EXOC4: variants seen among roughly 807,000 people sequenced by gnomAD.
EXOC4 encodes exocyst complex component 4.
EXOC4 carries 71 observed loss-of-function variants against 107.2 expected under a neutral mutation model. The observed-to-expected ratio is 0.66, with a 90% confidence interval of 0.55 to 0.81. EXOC4 has a LOEUF of 0.81. Among genes scored for constraint, EXOC4 ranks in the 30% least tolerant of loss-of-function variants. EXOC4 has a pLI of 0.00. For synonymous variants in EXOC4, 456 were observed against 441.2 expected (o/e 1.03, Z -0.42); for missense variants, 1,108 against 1,189.6 (o/e 0.93, Z 1.01).
At chr7:133,315,848 A>G (rs1289071774) in intron 4 of EXOC4, among the ~76,000 whole-genome samples, 1 of 152,168 alleles carries the variant, frequency 6.6e-6, no homozygotes, top group African/African-American at 2.4e-5. Context: ...GGTTTAGTTC[A>G]TATCTTAGTC....
At chr7:133,887,384 A>G (rs1211094825) in intron 11 of EXOC4, among the ~76,000 whole-genome samples, 1 of 152,194 alleles carries the variant, frequency 6.6e-6, no homozygotes. Flanking sequence ...TAAACAACTG[A>G]GGGAAGGGAA....
At chr7:133,659,029 T>TTTTG (rs1803369198) in intron 10 of EXOC4, among the ~76,000 whole-genome samples, 1 of 111,022 alleles carries the variant, frequency 9.0e-6, no homozygotes, top group African/African-American at 3.2e-5. Flanking sequence ...TTTTTTTTTT[T>TTTTG]GTGGTTCATA....
chr7:133,532,259 TAACTC>T (rs1800194881), intron 9 of EXOC4, among the ~76,000 whole-genome samples: 1 of 152,088 alleles, frequency 6.6e-6, no homozygotes, highest in African/African-American at 2.4e-5. Context: ...ACCTTGAACT[TAACTC>T]TTATATTGTC....
chr7:133,417,388 G>A (rs1054493862), intron 7 of EXOC4, among the ~76,000 whole-genome samples: 2 of 152,144 alleles, frequency 1.3e-5, no homozygotes, highest in Non-Finnish European at 2.9e-5. Flanking sequence ...TGTGAAGATG[G>A]AAGGTCTGAC....
intron 14 of EXOC4, among the ~76,000 whole-genome samples, chr7:133,973,227 C>T (rs1318804360): frequency 3.3e-5 from 5 of 151,940 alleles, no homozygotes; most frequent in East Asian, 1.9e-4. Flanking sequence ...TATGATTCGG[C>T]GACCATGGAA....
At chr7:133,488,600 A>G (rs1799313734) in intron 9 of EXOC4, among the ~76,000 whole-genome samples, 1 of 152,308 alleles carries the variant, frequency 6.6e-6, no homozygotes, top group Non-Finnish European at 1.5e-5. Context: ...GAAAAAAACA[A>G]AGAAATTGGA....
intron 11 of EXOC4, among the ~76,000 whole-genome samples, chr7:133,834,064 T>G (rs1020684024): frequency 6.6e-6 from 1 of 152,174 alleles, no homozygotes; most frequent in Non-Finnish European, 1.5e-5. Flanking sequence ...AGATATAATA[T>G]AATCTCAGAG....
chr7:133,755,528 CAG>C (rs1201889333), intron 10 of EXOC4, among the ~76,000 whole-genome samples: 2 of 150,292 alleles, frequency 1.3e-5, no homozygotes, highest in African/African-American at 2.5e-5. Flanking sequence ...ATTTTTAGTA[CAG>C]ATGGGGTTTC....
chr7:133,515,226 T>C (rs966174404), intron 9 of EXOC4, among the ~76,000 whole-genome samples: 4 of 152,068 alleles, frequency 2.6e-5, no homozygotes, highest in Non-Finnish European at 5.9e-5. Context: ...TGATGCACAG[T>C]GCAGTATATT....
At chr7:133,511,114 T>G (rs1474919328) in intron 9 of EXOC4, among the ~76,000 whole-genome samples, 1 of 152,134 alleles carries the variant, frequency 6.6e-6, no homozygotes, top group African/African-American at 2.4e-5. Context: ...TAATTTTCTA[T>G]TATACCCTCT....
At chr7:133,260,260 C>T (rs916892879) in intron 1 of EXOC4, among the ~76,000 whole-genome samples, 4 of 149,724 alleles carry the variant, frequency 2.7e-5, no homozygotes, top group Non-Finnish European at 5.9e-5. Context: ...ATAGTGTAAG[C>T]CCTTTAACTG....
intron 10 of EXOC4, among the ~76,000 whole-genome samples, chr7:133,639,210 C>T (rs1802787107): frequency 6.6e-6 from 1 of 152,036 alleles, no homozygotes; most frequent in Non-Finnish European, 1.5e-5. Flanking sequence ...GCATTGTTTC[C>T]TTGTATGATT....
chr7:133,303,813 G>C (rs894147605), intron 3 of EXOC4, among the ~76,000 whole-genome samples: 2 of 152,174 alleles, frequency 1.3e-5, no homozygotes, highest in Non-Finnish European at 2.9e-5. Context: ...GCTCAAAGAA[G>C]GAAGGAACAC....
chr7:133,834,838 C>T (rs1349919468), intron 11 of EXOC4, among the ~76,000 whole-genome samples: 1 of 152,172 alleles, frequency 6.6e-6, no homozygotes, highest in African/African-American at 2.4e-5. Flanking sequence ...TGAATTGTAA[C>T]TCCCACAATT....
chr7:133,429,650 T>G (rs537452043), intron 7 of EXOC4, among the ~76,000 whole-genome samples: 1 of 152,370 alleles, frequency 6.6e-6, no homozygotes, highest in African/African-American at 2.4e-5. Flanking sequence ...CAGTCTACTT[T>G]CTGTCTCTGT....
At chr7:133,362,475 A>T (rs1182412245) in intron 6 of EXOC4, among the ~76,000 whole-genome samples, 1 of 152,236 alleles carries the variant, frequency 6.6e-6, no homozygotes, top group Non-Finnish European at 1.5e-5. Context: ...GGTATTTGCC[A>T]CATTTTCTAA....
At chr7:133,709,310 T>C (rs924456994) in intron 10 of EXOC4, among the ~76,000 whole-genome samples, 1 of 152,116 alleles carries the variant, frequency 6.6e-6, no homozygotes, top group African/African-American at 2.4e-5. Flanking sequence ...GAAGAAAAGA[T>C]AAAAAGGAAG....
At chr7:133,253,588 G>A in intron 1 of EXOC4, 9 of 871,956 alleles carry the variant, frequency 1.0e-5, no homozygotes, top group Non-Finnish European at 1.2e-5. Flanking sequence ...TGGGGTGTAA[G>A]GCCTTGGAGT....
chr7:133,679,222 A>G (rs1265272788), intron 10 of EXOC4, among the ~76,000 whole-genome samples: 2 of 152,212 alleles, frequency 1.3e-5, no homozygotes, highest in Non-Finnish European at 2.9e-5. Flanking sequence ...TCTTGCTGAA[A>G]GTGAATGTGC....
Sources: gnomAD v4.1 joint callset for allele counts (sites outside exome capture counted in the v4.1 genomes callset) on GRCh38, gnomAD v4.1.1 for gene constraint, MANE v1.5 for transcripts, NCBI Gene and HGNC (gene_info 2026-07-23, HGNC 2026-07-21) for gene names.